The following UBN1 variants were observed in gnomAD, a reference collection of about 807,000 sequenced individuals.
UBN1 encodes ubinuclein 1.
A neutral mutation model predicts 108.5 loss-of-function variants in UBN1; 17 were observed. That is an observed-to-expected ratio of 0.16 (90% CI 0.11 to 0.24). UBN1 has a LOEUF of 0.24. Among genes scored for constraint, UBN1 ranks in the 10% least tolerant of loss-of-function variants. The pLI is 1.00. For missense variants in UBN1, 1,595 were observed against 1,394.4 expected, an observed-to-expected ratio of 1.14 and a Z score of -2.29; for synonymous variants, 726 against 564.2, an observed-to-expected ratio of 1.29 and a Z score of -4.07.
At chr16:4,861,126 G>A (rs371983466) in intron 7 of UBN1, 24 bp downstream of exon 7, 214 of 1,593,258 alleles carry the variant, frequency 1.3e-4, no homozygotes, top group Non-Finnish European at 1.8e-4. Context: ...GTGCGGCTGG[G>A]CTTTCCTGGA....
At position 4,881,301 on chromosome 16, in the gene UBN1, G is replaced by A. The variant is rs916774834; in HGVS notation, c.*1169G>A. 3 of 152,644 alleles carry A rather than the reference G, an allele frequency of 2.0e-5. No individual in the cohort carries two copies. The highest frequency in any genetic ancestry group is 7.2e-5 in the African/African-American group (3 of 41,428). The allele number at this position is 152,644 out of a possible 1,614,324, so 9.5% of individuals were successfully genotyped here. A position where few individuals can be genotyped will look rare whatever the true frequency, so the allele number is the denominator to read the frequency against. On this transcript the variant is annotated 3_prime_UTR_variant, in exon 18 of 18. Coordinates refer to ENST00000262376, the MANE Select transcript of UBN1 (RefSeq NM_001079514.3). ...AGTCCTGGGGCTCTCCAGGCAGTGG[G>A]GTTATGTGTCGACTGAAGGGTGATG...
intron 5 of UBN1, 42 bp downstream of exon 5, chr16:4,859,201 A>G (rs1260447504): frequency 1.3e-6 from 2 of 1,599,962 alleles, no homozygotes; most frequent in Admixed American, 1.7e-5. Context: ...ATGCTTTTTG[A>G]CGTGACCCTA....
chr16:4,855,156 A>G (rs1026175074), intron 2 of UBN1, among the ~76,000 whole-genome samples: 3 of 152,168 alleles, frequency 2.0e-5, no homozygotes, highest in Admixed American at 2.0e-4. Flanking sequence ...GAGGCTGGTA[A>G]TTGGTTCACA....
chr16:4,867,799 C>T (rs375198372), intron 7 of UBN1, among the ~76,000 whole-genome samples: 3 of 152,130 alleles, frequency 2.0e-5, no homozygotes, highest in South Asian at 4.2e-4. Flanking sequence ...GCAGTGTCTG[C>T]AATTTCAGAG....
chr16:4,860,625 T>C, intron 6 of UBN1, 39 bp from the exon 7 acceptor site: 2 of 1,571,932 alleles, frequency 1.3e-6, no homozygotes, highest in South Asian at 2.4e-5. Context: ...TTTGGAGGTG[T>C]CCTATAGTCT....
At chr16:4,868,799 G>C in intron 7 of UBN1, 34 bp from the exon 8 acceptor site, 1 of 1,608,788 alleles carries the variant, frequency 6.2e-7, no homozygotes, top group Non-Finnish European at 8.5e-7. Context: ...TGGGGAAAGT[G>C]CACTAACGGC....
chr16:4,865,697 C>T (rs562083241), intron 7 of UBN1, among the ~76,000 whole-genome samples: 7 of 103,232 alleles, frequency 6.8e-5, no homozygotes, highest in Non-Finnish European at 1.3e-4. Context: ...CATGGTGGCT[C>T]AGCCTGTAAT....
rs760436430 is a variant in UBN1, at chr16:4,870,632, C to G, written c.1428C>G (p.Ala476=). 8.1e-6 allele frequency: 13 copies of G among 1,613,872 alleles called. No individual in the cohort carries two copies. The highest frequency in any genetic ancestry group is 1.3e-5 in the African/African-American group (1 of 74,874). ...ECQAHTQAKV[A]KMLEEEKDKE... is the part of the protein sequence containing the mutation. ...AGGCACACACGCAGGCAAAGGTTGCCAAGTAAGTTTGTCCTGGCGCTTGCA... is the reference window on the plus strand; with the variant it reads ...AGGCACACACGCAGGCAAAGGTTGCGAAGTAAGTTTGTCCTGGCGCTTGCA... Residue 476 remains alanine (A), a splice_region_variant and synonymous_variant, in exon 10 of 18, where the codon GCC becomes GCG. Coordinates refer to ENST00000262376, the MANE Select transcript of UBN1 (RefSeq NM_001079514.3).
chr16:4,875,410 T>G lies in UBN1; in HGVS notation c.3000T>G (p.Ser1000Arg). The G allele has an allele frequency of 6.2e-7, 1 of 1,612,674 alleles. No homozygotes were observed. Among genetic ancestry groups the G allele is most frequent in the South Asian group, 1.1e-5 (1 of 91,058 alleles). Residue 1000 changes from serine to arginine, a missense_variant, in exon 15 of 18, where the codon AGT becomes AGG. By Grantham distance (110) the Ser-to-Arg change is moderately radical (BLOSUM62 -1). Coordinates refer to ENST00000262376, the MANE Select transcript of UBN1 (RefSeq NM_001079514.3). ...CCCTAAAGCCCTCTGCAGTTAGTAGTGTGACATCGTCTACCTCCTTGTCAG... is the reference window on the plus strand; with the variant it reads ...CCCTAAAGCCCTCTGCAGTTAGTAGGGTGACATCGTCTACCTCCTTGTCAG... ...SPSLKPSAVS[S>R]VTSSTSLSKG...
intron 8 of UBN1, among the ~76,000 whole-genome samples, chr16:4,869,445 A>AT (rs1487114652): frequency 6.6e-6 from 1 of 152,244 alleles, no homozygotes; most frequent in African/African-American, 2.4e-5. Flanking sequence ...ACATTTGTAA[A>AT]TCCAGACTGG....
Position 4,877,541 on chromosome 16 carries a change from T to A in UBN1, c.3355+67T>A. ...TTTGCCCTCTCCACCCCTAGGTGCT[T>A]TGCCGCTGCCAAGGGTCTTGGTGTC... On this transcript the variant is annotated intron_variant, in intron 17 of 17. Coordinates refer to ENST00000262376, the MANE Select transcript of UBN1 (RefSeq NM_001079514.3). The surrounding 1 kb of genome is among the most constrained non-coding windows in gnomAD (Gnocchi z 4.3). 1 of 1,506,262 alleles carries A rather than the reference T, an allele frequency of 6.6e-7. No homozygotes were observed. The highest frequency in any genetic ancestry group is 8.8e-7 in the Non-Finnish European group (1 of 1,130,166). 93.3% of individuals were successfully genotyped at this position (1,506,262 alleles called of 1,614,324 possible).
intron 2 of UBN1, among the ~76,000 whole-genome samples, chr16:4,855,325 G>A (rs1010539370): frequency 3.3e-5 from 5 of 152,062 alleles, no homozygotes; most frequent in Non-Finnish European, 7.4e-5. Flanking sequence ...AAAAAAATGT[G>A]TTTTCTTGGC....
chr16:4,858,202 A>C, intron 3 of UBN1, 126 bp downstream of exon 3: 1 of 731,202 alleles, frequency 1.4e-6, no homozygotes, highest in Non-Finnish European at 2.3e-6. Context: ...CATGGAGAGA[A>C]GAGAAGCAGT....
At chr16:4,868,715 C>T (rs770272679) in intron 7 of UBN1, 118 bp from the exon 8 acceptor site, 69 of 877,220 alleles carry the variant, frequency 7.9e-5, no homozygotes, top group Non-Finnish European at 1.0e-4. Context: ...GGAAAGGTGG[C>T]GGTGTGACTG....
chr16:4,870,375 G>C lies in UBN1; in HGVS notation c.1311+34G>C, dbSNP rs764651652. The C allele has an allele frequency of 1.9e-6, 3 of 1,612,662 alleles. No homozygotes were observed. In the African/African-American group the frequency reaches 4.0e-5, roughly 22 times the overall value. On this transcript the variant is annotated intron_variant, in intron 9 of 17. Transcript: ENST00000262376. ...CTCTAGAGTGAAGCCCTTTGGCTTT[G>C]GGGTCCTGGCGGAGGGGTGACTGAG...
At chr16:4,867,045 G>A (rs2087368831) in intron 7 of UBN1, among the ~76,000 whole-genome samples, 1 of 152,242 alleles carries the variant, frequency 6.6e-6, no homozygotes, top group Non-Finnish European at 1.5e-5. Context: ...GCAGGGAGCA[G>A]AGCTGAAGAT....
At position 4,876,965 on chromosome 16, in the gene UBN1, C is replaced by T. The variant is rs894384210; in HGVS notation, c.3119C>T (p.Ser1040Leu). ...CCAAAGCTGTCTGGGGCCATGAGCT[C>T]GAACTCCTTGGGAATTATAACCCCT... ...SSPKLSGAMSSNSLGIITPVP... is the reference protein window; with the variant it reads ...SSPKLSGAMSLNSLGIITPVP... Residue 1040 changes from serine (S) to leucine (L), a missense_variant, in exon 16 of 18, where the codon TCG becomes TTG. Coordinates refer to ENST00000262376, the MANE Select transcript of UBN1 (RefSeq NM_001079514.3). 2 of 1,614,212 alleles carry T rather than the reference C, an allele frequency of 1.2e-6. No homozygotes were observed. Among genetic ancestry groups the T allele is most frequent in the Non-Finnish European group, 1.7e-6 (2 of 1,180,032 alleles).
Position 4,881,099 on chromosome 16 carries a change from A to C in UBN1, c.*967A>C, listed in dbSNP as rs3185547. 0.34 allele frequency: 51,759 copies of C among 152,352 alleles called. 9,156 individuals are homozygous for C. The highest frequency in any genetic ancestry group is 0.49 in the South Asian group (2,372 of 4,814). The allele number at this position is 152,352 out of a possible 1,614,324, so 9.4% of individuals were successfully genotyped here. A position where few individuals can be genotyped will look rare whatever the true frequency, so the allele number is the denominator to read the frequency against. On this transcript the variant is annotated 3_prime_UTR_variant, in exon 18 of 18. Transcript: ENST00000262376. ...GCCAGGGCTCCCATTTTGTTTTTCC[A>C]GAGTTCGTGGAGGTGGACTGCAGAG... is the stretch of plus-strand genomic sequence containing the variant.
Position 4,861,055 on chromosome 16 carries a change from G to A in UBN1, c.1063G>A (p.Glu355Lys), listed in dbSNP as rs542572925. The change falls in exon 7 of 18, where the codon GAA becomes AAA. Residue 355 changes from glutamate to lysine, a missense_variant. Physicochemically the swap from Glu to Lys is moderately conservative, Grantham distance 56. This residue lies in a region of UBN1 where 1,398 missense variants were observed against 1,194.7 expected (regional missense o/e 1.17). Transcript: ENST00000262376. ...QEFRQPSSLP[E>K]GLPAPLEKRV... ...ATTCAGGCAGCCCTCTTCTCTCCCCGAAGGCCTGCCAGCACCCCTGGAGAA... is the reference window on the plus strand; with the variant it reads ...ATTCAGGCAGCCCTCTTCTCTCCCCAAAGGCCTGCCAGCACCCCTGGAGAA... 6 of 1,613,928 alleles carry A rather than the reference G, an allele frequency of 3.7e-6. No homozygotes were observed. Among genetic ancestry groups the A allele is most frequent in the South Asian group, 3.3e-5 (3 of 91,078 alleles).
Sources: allele counts gnomAD v4.1 joint callset (sites outside exome capture counted in the v4.1 genomes callset), GRCh38; gene constraint gnomAD v4.1.1; regional missense constraint gnomAD v4.1.1; non-coding constraint Gnocchi (gnomAD v3.1); transcripts MANE v1.5; gene names NCBI Gene and HGNC (gene_info 2026-07-23, HGNC 2026-07-21).